Variants in DNAH12 observed in about 807,000 individuals in gnomAD.
DNAH12 encodes the protein dynein axonemal heavy chain 12, also known as axonemal beta dynein heavy chain 12.
In DNAH12, 285 loss-of-function variants were observed where a neutral mutation model predicts 371.5. That is an observed-to-expected ratio of 0.77 (90% CI 0.70 to 0.85). The LOEUF is 0.85. Among genes scored for constraint, DNAH12 ranks in the 40% least tolerant of loss-of-function variants. The pLI is 0.00. For missense variants in DNAH12, 3,611 were observed against 3,689.4 expected (o/e 0.98, Z 0.55); for synonymous variants, 1,200 against 1,213.0 (o/e 0.99, Z 0.22).
chr3:57,548,988 T>C (rs1176665706), upstream of DNAH12: 1 of 152,150 alleles, frequency 6.6e-6, no homozygotes, highest in Non-Finnish European at 1.5e-5. Context: ...CACTTTTTCA[T>C]AGAGAGAAGA....
At chr3:57,317,791 T>G (rs1237470146) in intron 65 of DNAH12, among the ~76,000 whole-genome samples, 3 of 152,178 alleles carry the variant, frequency 2.0e-5, no homozygotes, top group Non-Finnish European at 4.4e-5. Context: ...CCACCAACAG[T>G]GTATGAGGGC....
At chr3:57,352,359 A>T in intron 59 of DNAH12, 134 bp from the exon 60 acceptor site, 1 of 945,094 alleles carries the variant, frequency 1.1e-6, no homozygotes, top group African/African-American at 1.7e-5. Context: ...ACACGAGGGC[A>T]TGTAAAACTG....
intron 4 of DNAH12, among the ~76,000 whole-genome samples, chr3:57,513,095 A>G (rs912899555): frequency 1.1e-4 from 16 of 151,680 alleles, no homozygotes; most frequent in Non-Finnish European, 5.9e-5. Flanking sequence ...CCGAGATCGC[A>G]CCACTGCACT....
intron 25 of DNAH12, among the ~76,000 whole-genome samples, chr3:57,448,008 G>A (rs2065579666): frequency 6.6e-6 from 1 of 152,092 alleles, no homozygotes; most frequent in African/African-American, 2.4e-5. Flanking sequence ...ATGCCATATT[G>A]TTAATGCCCA....
At chr3:57,365,479 G>T (rs2063031024) in intron 57 of DNAH12, among the ~76,000 whole-genome samples, 1 of 152,086 alleles carries the variant, frequency 6.6e-6, no homozygotes, top group African/African-American at 2.4e-5. Context: ...AGGAGGGAGA[G>T]CATCAGGAAA....
At chr3:57,485,822 G>A (rs571713701) in intron 12 of DNAH12, among the ~76,000 whole-genome samples, 3 of 152,226 alleles carry the variant, frequency 2.0e-5, no homozygotes, top group East Asian at 1.9e-4. Flanking sequence ...TCGGGGACTC[G>A]GTGTGGGGAA....
chr3:57,517,354 A>T (rs1379599656), intron 4 of DNAH12, among the ~76,000 whole-genome samples: 1 of 152,182 alleles, frequency 6.6e-6, no homozygotes, highest in African/African-American at 2.4e-5. Flanking sequence ...AGCATCTAGC[A>T]CAGGATCAAG....
rs1553680802 is a variant in DNAH12 at position 57,405,549 on chromosome 3, A to G, written c.6576+104T>C. Reference sequence around the variant, plus strand: ...AACACCTATTTACAAGGAATGCTAAAAGAATATGTTCATTAAGAAATGATT... The same window carrying G: ...AACACCTATTTACAAGGAATGCTAAGAGAATATGTTCATTAAGAAATGATT... On this transcript the variant is annotated intron_variant, in intron 41 of 73. Coordinates refer to ENST00000495027, the MANE Select transcript of DNAH12 (RefSeq NM_001366028.2). 1.2e-5 allele frequency: 15 copies of G among 1,265,142 alleles called. No individual in the cohort carries two copies. The South Asian group carries it at 1.8e-4, about 15-fold the overall frequency. The allele number at this position is 1,265,142 out of a possible 1,614,324, so 78.4% of individuals were successfully genotyped here.
At chr3:57,346,088 T>C (rs2062535097) in intron 60 of DNAH12, among the ~76,000 whole-genome samples, 1 of 152,176 alleles carries the variant, frequency 6.6e-6, no homozygotes, top group Non-Finnish European at 1.5e-5. Context: ...ATGTTTGAGA[T>C]GATGGATATG....
Position 57,507,705 on chromosome 3 carries a change from C to T in DNAH12, c.835G>A (p.Gly279Ser). Reference sequence around the variant, plus strand: ...GCATCCAATTTTTCAGGTTTAACACCTTCTAGTGCCTCCTTCTTGGTAAAG... The same window carrying T: ...GCATCCAATTTTTCAGGTTTAACACTTTCTAGTGCCTCCTTCTTGGTAAAG... ...NLFTKKEALE[G>S]VKPEKLDAFY... Residue 279 changes from glycine (G) to serine (S), a missense_variant, in exon 8 of 74, where the codon GGT becomes AGT. Gly to Ser is a moderately conservative substitution (Grantham distance 56). Around this residue, in one of 3 missense-constraint regions of DNAH12, gnomAD observed 1,314 missense variants for 1,398.7 expected, o/e 0.94. Transcript: ENST00000495027. 1.2e-6 allele frequency: 2 copies of T among 1,611,204 alleles called. No individual in the cohort carries two copies. Among genetic ancestry groups the T allele is most frequent in the Non-Finnish European group, 1.7e-6 (2 of 1,179,596 alleles).
In DNAH12 at chr3:57,405,863, C is replaced by G; in HGVS notation, c.6366G>C (p.Arg2122=). The change falls in exon 41 of 74, where the codon CGG becomes CGC. Residue 2122 remains arginine (R), a synonymous_variant. Coordinates refer to ENST00000495027, the MANE Select transcript of DNAH12 (RefSeq NM_001366028.2). ...CGTCTCTTTCAATGAGTAAACAGCC[C>G]CGGATGACGCGTGAAAAATCACGCA... The part of the protein sequence containing the change: ...FNLRDFSRVI[R]GCLLIERDAV... The G allele has an allele frequency of 1.3e-6, 2 of 1,551,348 alleles. No individual in the cohort carries two copies. The highest frequency in any genetic ancestry group is 1.7e-6 in the Non-Finnish European group (2 of 1,146,834).
At chr3:57,307,038 A>G (rs1231901226) in intron 69 of DNAH12, among the ~76,000 whole-genome samples, 1 of 152,170 alleles carries the variant, frequency 6.6e-6, no homozygotes, top group Admixed American at 6.5e-5. Context: ...CCTGGGCTGT[A>G]CTGCCACAAG....
At chr3:57,436,900 T>TA in intron 30 of DNAH12, 51 bp downstream of exon 30, 1 of 1,236,582 alleles carries the variant, frequency 8.1e-7, no homozygotes, top group Non-Finnish European at 1.1e-6. Context: ...TTAGTTGTTT[T>TA]ACCAGCTTAA....
At chr3:57,332,664 G>A (rs1034709300) in intron 62 of DNAH12, among the ~76,000 whole-genome samples, 11 of 152,188 alleles carry the variant, frequency 7.2e-5, no homozygotes, top group African/African-American at 2.7e-4. Flanking sequence ...AATTAGGATA[G>A]AACTGTCCAG....
chr3:57,401,393 CAAAAA>C (rs1172591337), intron 43 of DNAH12, among the ~76,000 whole-genome samples: 2 of 120,078 alleles, frequency 1.7e-5, no homozygotes, highest in Non-Finnish European at 3.5e-5. Context: ...TACTAAAATA[CAAAAA>C]AAAAAAAAAG....
At chr3:57,480,354 T>A (rs909385410) in intron 13 of DNAH12, among the ~76,000 whole-genome samples, 1 of 151,862 alleles carries the variant, frequency 6.6e-6, no homozygotes, top group Admixed American at 6.6e-5. Context: ...ACATACACCC[T>A]CCCAAGACCA....
At chr3:57,536,075 T>C (rs955496877) in intron 2 of DNAH12, among the ~76,000 whole-genome samples, 9 of 152,156 alleles carry the variant, frequency 5.9e-5, no homozygotes, top group Non-Finnish European at 1.3e-4. Flanking sequence ...GACCTTGTGA[T>C]CCACCCACCT....
intron 45 of DNAH12, among the ~76,000 whole-genome samples, chr3:57,390,450 T>TACAC (rs1362959095): frequency 2.2e-5 from 1 of 46,476 alleles, no homozygotes; most frequent in Non-Finnish European, 6.3e-5. Flanking sequence ...TATATATATA[T>TACAC]ACTTAGACCA....
chr3:57,316,162 G>C (rs1429949432), intron 65 of DNAH12, among the ~76,000 whole-genome samples: 1 of 143,072 alleles, frequency 7.0e-6, no homozygotes. Context: ...TTTTGACTAA[G>C]CCAAGGGGGC....
Sources: allele counts gnomAD v4.1 joint callset (sites outside exome capture counted in the v4.1 genomes callset), GRCh38; gene constraint gnomAD v4.1.1; regional missense constraint gnomAD v4.1.1; transcripts MANE v1.5; gene names NCBI Gene and HGNC (gene_info 2026-07-23, HGNC 2026-07-21).